Variants in ABAT observed in about 807,000 individuals in gnomAD.
ABAT encodes 4-aminobutyrate aminotransferase, mitochondrial.
ABAT carries 45 observed loss-of-function variants against 64.6 expected under a neutral mutation model. The observed-to-expected ratio is 0.70, with a 90% CI of 0.55 to 0.89. The LOEUF (loss-of-function observed/expected upper bound fraction) is 0.89. ABAT is among the 40% of genes least tolerant of loss of function. The pLI is 0.00. For synonymous variants in ABAT, 297 were observed against 250.5 expected (o/e 1.19, Z -1.75); for missense variants, 633 against 658.4 (o/e 0.96, Z 0.42).
chr16:8,705,461 C>T (rs2057918831), intron 1 of ABAT: 1 of 152,132 alleles, frequency 6.6e-6, no homozygotes, highest in African/African-American at 2.4e-5. Context: ...ATATCAGGGG[C>T]TTTCCAGTCT....
Position 8,775,077 on chromosome 16 carries a change from C to T in ABAT, c.1122+20C>T, listed in dbSNP as rs200884496. On this transcript the variant is annotated intron_variant, in intron 13 of 15. Transcript: ENST00000268251. ...AATGCTGTGAGTTGGAGCCAACCTT[C>T]TCTCTACATCCAGGGCAGAGAAGGG... The T allele has an allele frequency of 2.1e-5, 34 of 1,614,062 alleles. 1 individual carries two copies. In the South Asian group the frequency reaches 3.5e-4, roughly 17 times the overall value.
intron 5 of ABAT, 152 bp downstream of exon 5, chr16:8,750,691 G>C: frequency 5.2e-6 from 4 of 767,190 alleles, no homozygotes; most frequent in Non-Finnish European, 9.4e-6. Context: ...TAAATAATGT[G>C]TAAAGGGTAT....
At chr16:8,745,464 A>C (rs1205831941) in intron 2 of ABAT, among the ~76,000 whole-genome samples, 2 of 152,076 alleles carry the variant, frequency 1.3e-5, no homozygotes, top group African/African-American at 4.8e-5. Flanking sequence ...TGGGAGGTCA[A>C]GGCAGGTGGA....
At chr16:8,707,702 A>C (rs1627524) in intron 1 of ABAT, among the ~76,000 whole-genome samples, 28,910 of 152,180 alleles carry the variant, frequency 0.19, 2,899 homozygotes, top group Middle Eastern at 0.29. Context: ...AGCTGGACTT[A>C]ACTCCAGTGC....
At chr16:8,749,548 G>A (rs557623442) in intron 4 of ABAT, among the ~76,000 whole-genome samples, 6 of 150,350 alleles carry the variant, frequency 4.0e-5, no homozygotes, top group Admixed American at 6.6e-5. Context: ...ACAGGTGCCC[G>A]CCACTATGCC....
chr16:8,682,343 G>A (rs2057355851), intron 1 of ABAT, among the ~76,000 whole-genome samples: 1 of 152,122 alleles, frequency 6.6e-6, no homozygotes, highest in Non-Finnish European at 1.5e-5. Context: ...ATACATGTGT[G>A]AATGAATGGA....
At chr16:8,712,432 C>T (rs146055783) in intron 1 of ABAT, among the ~76,000 whole-genome samples, 62 of 152,150 alleles carry the variant, frequency 4.1e-4, no homozygotes, top group Non-Finnish European at 7.4e-4. Context: ...AGGTATTTAC[C>T]GTAAAATTCT....
intron 1 of ABAT, among the ~76,000 whole-genome samples, chr16:8,707,709 G>T (rs1296612112): frequency 6.6e-6 from 1 of 152,200 alleles, no homozygotes; most frequent in Non-Finnish European, 1.5e-5. Flanking sequence ...CTTAACTCCA[G>T]TGCATCCTAG....
At chr16:8,722,934 G>A (rs529704036) in intron 1 of ABAT, 38 of 1,183,448 alleles carry the variant, frequency 3.2e-5, no homozygotes, top group Admixed American at 1.4e-4. Context: ...GAGTCCGAAC[G>A]GGCCTTAGAA....
intron 5 of ABAT, among the ~76,000 whole-genome samples, chr16:8,754,705 TCTTTC>T (rs2059600141): frequency 9.8e-6 from 1 of 102,210 alleles, no homozygotes; most frequent in African/African-American, 3.7e-5. Context: ...TTTCTTTCTT[TCTTTC>T]TTTCTTTCTT....
At chr16:8,690,701 C>T (rs767779907) in intron 1 of ABAT, among the ~76,000 whole-genome samples, 4 of 152,174 alleles carry the variant, frequency 2.6e-5, no homozygotes, top group Non-Finnish European at 4.4e-5. Flanking sequence ...TTGGTTCTTT[C>T]TGCACCAAGT....
At chr16:8,748,220 T>C (rs374340200) in intron 4 of ABAT, 83 bp downstream of exon 4, 32 of 1,319,562 alleles carry the variant, frequency 2.4e-5, no homozygotes, top group Non-Finnish European at 3.1e-5. Context: ...CTGTTCTGGC[T>C]CTTTTTTAAA....
intron 1 of ABAT, among the ~76,000 whole-genome samples, chr16:8,702,690 A>T (rs1206462566): frequency 2.9e-5 from 4 of 140,162 alleles, no homozygotes; most frequent in African/African-American, 1.1e-4. Flanking sequence ...AACACTGGGG[A>T]TTACGTTTCA....
chr16:8,695,006 C>A (rs74009752), intron 1 of ABAT, among the ~76,000 whole-genome samples: 26 of 152,374 alleles, frequency 1.7e-4, no homozygotes, highest in African/African-American at 6.0e-4. Context: ...CAGCTGGCAG[C>A]ATTCTGCTGG....
At chr16:8,708,221 C>T (rs1417165966) in intron 1 of ABAT, among the ~76,000 whole-genome samples, 3 of 152,116 alleles carry the variant, frequency 2.0e-5, no homozygotes, top group South Asian at 2.1e-4. Context: ...GAAGGTCTCA[C>T]GCTGGTAAGA....
chr16:8,754,179 TAAAAAAAAA>T (rs750745519), intron 5 of ABAT, among the ~76,000 whole-genome samples: 60 of 63,838 alleles, frequency 9.4e-4, no homozygotes, highest in African/African-American at 2.8e-3. Context: ...ACCCTGTCTA[TAAAAAAAAA>T]AAAAAAAAAA....
rs544457764 is a variant in ABAT at position 8,747,082 on chromosome 16, C to A, written c.168+984C>A. On this transcript the variant is annotated intron_variant, in intron 3 of 15. Coordinates refer to ENST00000268251, the MANE Select transcript of ABAT (RefSeq NM_020686.6). ...AGCAAGAGGAGAACATGGTATAGTT[C>A]TGCTGAGGCCTGGGTTCCGCATGGG... Among the ~76,000 whole-genome samples the A allele has an allele frequency of 6.6e-5, 10 of 152,278 alleles. No homozygotes were observed. The East Asian group carries it at 1.7e-3, about 26-fold the overall frequency.
At chr16:8,729,776 A>G (rs890782852) in intron 1 of ABAT, among the ~76,000 whole-genome samples, 2 of 151,218 alleles carry the variant, frequency 1.3e-5, no homozygotes, top group Non-Finnish European at 1.5e-5. Flanking sequence ...GCAGTGAGCA[A>G]TGATCACGCC....
chr16:8,778,081 C>A (rs2060319292), intron 14 of ABAT, among the ~76,000 whole-genome samples: 1 of 152,190 alleles, frequency 6.6e-6, no homozygotes, highest in African/African-American at 2.4e-5. Context: ...CCCAACTCAG[C>A]CCCCAGTACC....
Sources: allele counts gnomAD v4.1 joint callset (sites outside exome capture counted in the v4.1 genomes callset), GRCh38; gene constraint gnomAD v4.1.1; transcripts MANE v1.5; gene names NCBI Gene and HGNC (gene_info 2026-07-23, HGNC 2026-07-21).